Variants in B3GAT1 observed in about 807,000 individuals in gnomAD.
The protein encoded by B3GAT1 is galactosylgalactosylxylosylprotein 3-beta-glucuronosyltransferase 1.
Under a neutral mutation model 28.4 loss-of-function variants are expected in B3GAT1, and 11 were observed. That is an observed-to-expected ratio of 0.39 (90% CI 0.24 to 0.64). B3GAT1 has a LOEUF of 0.64. Ranked by LOEUF, B3GAT1 falls within the 30% of genes least tolerant of loss-of-function variation. B3GAT1 has a pLI of 0.50. For synonymous variants in B3GAT1, 255 were observed against 223.1 expected (o/e 1.14, Z -1.27); for missense variants, 375 against 491.0 (o/e 0.76, Z 2.23).
At chr11:134,388,064 C>G in intron 1 of B3GAT1, 124 bp from the exon 2 acceptor site, 1 of 395,674 alleles carries the variant, frequency 2.5e-6, no homozygotes, top group Non-Finnish European at 5.1e-6. Flanking sequence ...AACTGTCCAT[C>G]ACCTGAGGAC....
At chr11:134,394,580 C>G (rs1391503490) in intron 1 of B3GAT1, among the ~76,000 whole-genome samples, 1 of 152,242 alleles carries the variant, frequency 6.6e-6, no homozygotes, top group Admixed American at 6.5e-5. Flanking sequence ...CCCAGGAAGG[C>G]ACTGCTGCTC....
At chr11:134,409,162 A>G (rs1944800304) in intron 1 of B3GAT1, among the ~76,000 whole-genome samples, 1 of 152,156 alleles carries the variant, frequency 6.6e-6, no homozygotes, top group South Asian at 2.1e-4. Flanking sequence ...CGGGGCTTAG[A>G]GAGCTCTGTT....
intron 1 of B3GAT1, chr11:134,391,218 T>C (rs1036236878): frequency 1.3e-5 from 2 of 152,218 alleles, no homozygotes; most frequent in African/African-American, 4.8e-5. Flanking sequence ...GAGGCTATTA[T>C]AAGCATAGTA....
At position 134,402,607 on chromosome 11, in the gene B3GAT1, C is replaced by A. The variant is rs569679971; in HGVS notation, c.-282+9200G>T. ...CTAACCCCCCTGCCTGAAGAAGAAA[C>A]AATTAACATAAAATGTTGAACTGGG... On this transcript the variant is annotated intron_variant, in intron 1 of 5. Coordinates refer to ENST00000312527, the MANE Select transcript of B3GAT1 (RefSeq NM_054025.3). Among the ~76,000 whole-genome samples, 66 of 152,254 alleles carry A rather than the reference C, an allele frequency of 4.3e-4. 1 individual carries two copies. The highest frequency in any genetic ancestry group is 1.2e-3 in the Admixed American group (19 of 15,296).
At chr11:134,408,208 G>A (rs1010101012) in intron 1 of B3GAT1, among the ~76,000 whole-genome samples, 2 of 149,236 alleles carry the variant, frequency 1.3e-5, no homozygotes, top group Admixed American at 6.6e-5. Context: ...GGGGTGAGGA[G>A]GGAGGTGGGA....
intron 5 of B3GAT1, among the ~76,000 whole-genome samples, chr11:134,381,168 G>T (rs570941133): frequency 6.6e-6 from 1 of 152,294 alleles, no homozygotes; most frequent in Non-Finnish European, 1.5e-5. Context: ...GCCTGGCTTT[G>T]CCAACCACCC....
chr11:134,382,667 T>G, intron 4 of B3GAT1, 43 bp downstream of exon 4: 1 of 1,588,054 alleles, frequency 6.3e-7, no homozygotes, highest in South Asian at 1.2e-5. Context: ...TGGATGTACT[T>G]GAGACATTGC....
rs753874553 is a variant in B3GAT1, at chr11:134,380,561, GAAC to G, written c.*198_*200del. 1 of 152,736 alleles carries G rather than the reference GAAC, an allele frequency of 6.5e-6. No individual in the cohort carries two copies. Among genetic ancestry groups the G allele is most frequent in the East Asian group, 1.9e-4 (1 of 5,194 alleles). 9.5% of individuals were successfully genotyped at this position (152,736 alleles called of 1,614,324 possible). ...GGGCCCTGGTCACGCTGGATGGAGA[GAAC>G]AACAGGTCTGGGATTTCTGTGCTTA... On this transcript the variant is annotated 3_prime_UTR_variant, in exon 6 of 6. Transcript: ENST00000312527.
chr11:134,404,698 C>G (rs1056291961), intron 1 of B3GAT1, among the ~76,000 whole-genome samples: 14 of 152,328 alleles, frequency 9.2e-5, no homozygotes, highest in Admixed American at 7.2e-4. Flanking sequence ...TGTGCACGCC[C>G]CACTGACAGC....
rs1276067434 is a variant in B3GAT1 at position 134,382,941 on chromosome 11, G to A, written c.687C>T (p.Ala229=). 5 of 1,608,878 alleles carry A rather than the reference G, an allele frequency of 3.1e-6. No individual in the cohort carries two copies. Among genetic ancestry groups the A allele is most frequent in the Non-Finnish European group, 4.2e-6 (5 of 1,177,602 alleles). ...CCTTCCCTGCCCCGTTCACCCGTGG[G>A]GCCTCGTACCGCAGGCCACCCACGA... The part of the protein sequence containing the change: ...VAFVGGLRYE[A]PRVNGAGKVV... Residue 229 remains alanine, a synonymous_variant, in exon 4 of 6, where the codon GCC becomes GCT. Transcript: ENST00000312527.
chr11:134,397,334 G>A (rs1262718154), intron 1 of B3GAT1, among the ~76,000 whole-genome samples: 2 of 152,174 alleles, frequency 1.3e-5, no homozygotes, highest in Admixed American at 6.5e-5. Context: ...AACGTACCCA[G>A]CCTGGCACTC....
chr11:134,382,990 C>T lies in B3GAT1; in HGVS notation c.638G>A (p.Arg213Lys), dbSNP rs752179560. 6.4e-7 allele frequency: 1 copy of T among 1,572,570 alleles called. No individual in the cohort carries two copies. Among genetic ancestry groups the T allele is most frequent in the Non-Finnish European group, 8.6e-7 (1 of 1,157,510 alleles). ...GAAGGCGACGGGCCACACGGACACC[C>T]TCCTGGTGCTGCGCATCTACAAGGG... Reference protein sequence around the residue: ...ELFEEMRSTRRVSVWPVAFVG... With the variant: ...ELFEEMRSTRKVSVWPVAFVG... Residue 213 changes from arginine to lysine, a missense_variant, in exon 4 of 6, where the codon AGG becomes AAG. Physicochemically the swap from Arg to Lys is conservative, Grantham distance 26 (BLOSUM62 2). Coordinates refer to ENST00000312527, the MANE Select transcript of B3GAT1 (RefSeq NM_054025.3).
chr11:134,395,419 G>A (rs1258335577), intron 1 of B3GAT1, among the ~76,000 whole-genome samples: 1 of 152,008 alleles, frequency 6.6e-6, no homozygotes, highest in Non-Finnish European at 1.5e-5. Flanking sequence ...TGGGAGTGGG[G>A]GTGCTTCTGC....
In B3GAT1 at chr11:134,384,337, T is replaced by G. The variant is rs1944223623; in HGVS notation, c.113-149A>C. 1.8e-5 allele frequency: 19 copies of G among 1,075,122 alleles called. No homozygotes were observed. The South Asian group carries it at 2.7e-4, about 15-fold the overall frequency. 66.6% of individuals were successfully genotyped at this position (1,075,122 alleles called of 1,614,324 possible). On this transcript the variant is annotated intron_variant, in intron 2 of 5. Coordinates refer to ENST00000312527, the MANE Select transcript of B3GAT1 (RefSeq NM_054025.3). Reference sequence around the variant, plus strand: ...CCCCCGCCTTGCCTGACCTGTTAGCTCTAAGGTTGAAATCTGCAGCCCTGG... The same window carrying G: ...CCCCCGCCTTGCCTGACCTGTTAGCGCTAAGGTTGAAATCTGCAGCCCTGG...
Position 134,384,018 on chromosome 11 carries a change from G to C in B3GAT1, c.283C>G (p.Arg95Gly). 6.2e-7 allele frequency: 1 copy of C among 1,605,500 alleles called. No homozygotes were observed. The highest frequency in any genetic ancestry group is 8.5e-7 in the Non-Finnish European group (1 of 1,179,088). ...GTCAGCTCGGCCTTCTGCACCGGGC[G>C]GCTGTAGGTGGGCGTCACCACGTGG... ...TIHVVTPTYS[R>G]PVQKAELTRM... The change falls in exon 3 of 6, where the codon CGC (arginine) becomes GGC (glycine). Residue 95 changes from arginine (R) to glycine (G), a missense_variant. Arg to Gly is a moderately radical substitution (Grantham distance 125). Transcript: ENST00000312527.
At chr11:134,385,599 C>T (rs1944261155) in intron 2 of B3GAT1, 1 of 150,126 alleles carries the variant, frequency 6.7e-6, no homozygotes, top group Non-Finnish European at 1.5e-5. Flanking sequence ...GGACTTAATT[C>T]ATCCTATGGG....
chr11:134,397,291 C>T (rs1313239502), intron 1 of B3GAT1, among the ~76,000 whole-genome samples: 1 of 152,226 alleles, frequency 6.6e-6, no homozygotes, highest in Non-Finnish European at 1.5e-5. Context: ...CAGCCTGCGA[C>T]CTGCTCAGAT....
intron 1 of B3GAT1, among the ~76,000 whole-genome samples, chr11:134,410,753 G>A (rs561414493): frequency 2.0e-5 from 3 of 152,334 alleles, no homozygotes; most frequent in African/African-American, 7.2e-5. Context: ...AACTTAGGGA[G>A]TGATGTGCCT....
At chr11:134,400,418 T>A (rs781380314) in intron 1 of B3GAT1, among the ~76,000 whole-genome samples, 3 of 152,096 alleles carry the variant, frequency 2.0e-5, no homozygotes, top group Non-Finnish European at 4.4e-5. Context: ...TCAGATCAAA[T>A]GAGGGAATCA....
Sources: gnomAD v4.1 joint callset for allele counts (sites outside exome capture counted in the v4.1 genomes callset) on GRCh38, gnomAD v4.1.1 for gene constraint, MANE v1.5 for transcripts, NCBI Gene and HGNC (gene_info 2026-07-23, HGNC 2026-07-21) for gene names.